QTMAN: variants seen among roughly 807,000 people sequenced by gnomAD.
The protein encoded by QTMAN is queuosine-tRNA mannosyltransferase.
At chr2:144,048,556 A>G in the QTMAN span, among the ~76,000 whole-genome samples, 3 of 152,210 alleles carry the variant, frequency 2.0e-5, no homozygotes, top group Admixed American at 6.5e-5. Context: ...AGAGTATCAC[A>G]TTTGTAGAGA....
chr2:143,998,348 C>T, the QTMAN span, among the ~76,000 whole-genome samples: 1 of 151,866 alleles, frequency 6.6e-6, no homozygotes, highest in African/African-American at 2.4e-5. Context: ...CTGAATTTTC[C>T]CTTCTTTTGT....
the QTMAN span, among the ~76,000 whole-genome samples, chr2:144,107,015 A>G: frequency 2.2e-4 from 34 of 152,380 alleles, no homozygotes; most frequent in Non-Finnish European, 4.4e-5. Flanking sequence ...TACTGGGTAC[A>G]TAACAAAATG....
the QTMAN span, among the ~76,000 whole-genome samples, chr2:144,157,179 G>C: frequency 6.6e-6 from 1 of 152,002 alleles, no homozygotes; most frequent in Non-Finnish European, 1.5e-5. Flanking sequence ...TTTATTTTCT[G>C]TTTCATCCCT....
chr2:144,150,570 T>A, the QTMAN span, among the ~76,000 whole-genome samples: 1 of 152,044 alleles, frequency 6.6e-6, no homozygotes. Flanking sequence ...CAGTTCTGGA[T>A]GAACCAGCTT....
At chr2:144,053,173 G>C in the QTMAN span, among the ~76,000 whole-genome samples, 7 of 152,104 alleles carry the variant, frequency 4.6e-5, no homozygotes, top group Admixed American at 2.6e-4. Flanking sequence ...AAGAGGAAAA[G>C]AAAACATTAA....
At chr2:144,232,089 G>A in the QTMAN span, among the ~76,000 whole-genome samples, 1 of 152,006 alleles carries the variant, frequency 6.6e-6, no homozygotes, top group African/African-American at 2.4e-5. Context: ...ATTCATTTTA[G>A]TAGCTCTGCA....
the QTMAN span, among the ~76,000 whole-genome samples, chr2:144,159,935 A>G: frequency 6.6e-6 from 1 of 152,212 alleles, no homozygotes; most frequent in East Asian, 1.9e-4. Flanking sequence ...GTTTCAGGCT[A>G]TATTTTTTTA....
the QTMAN span, among the ~76,000 whole-genome samples, chr2:144,083,901 T>C: frequency 5.9e-5 from 9 of 152,202 alleles, no homozygotes; most frequent in East Asian, 1.3e-3. Context: ...ACAAAACTCA[T>C]AAGCATATTT....
At chr2:144,269,938 G>A in the QTMAN span, among the ~76,000 whole-genome samples, 1 of 151,772 alleles carries the variant, frequency 6.6e-6, no homozygotes, top group Admixed American at 6.6e-5. Flanking sequence ...ATAATACTAA[G>A]AGAGCTTCAC....
At chr2:144,264,309 T>C in the QTMAN span, among the ~76,000 whole-genome samples, 3 of 152,098 alleles carry the variant, frequency 2.0e-5, no homozygotes, top group African/African-American at 7.2e-5. Flanking sequence ...AGGAGGAGAA[T>C]TGAATTGAGA....
the QTMAN span, among the ~76,000 whole-genome samples, chr2:144,195,254 C>T: frequency 6.6e-6 from 1 of 151,950 alleles, no homozygotes; most frequent in Non-Finnish European, 1.5e-5. Flanking sequence ...CAGGAGAAGG[C>T]TGAAAGATGT....
chr2:144,244,354 T>C, the QTMAN span, among the ~76,000 whole-genome samples: 1 of 152,192 alleles, frequency 6.6e-6, no homozygotes, highest in Admixed American at 6.5e-5. Flanking sequence ...CAGGTGTCTC[T>C]GCAGTGCTCT....
chr2:144,137,532 T>G, the QTMAN span, among the ~76,000 whole-genome samples: 1 of 152,094 alleles, frequency 6.6e-6, no homozygotes, highest in Non-Finnish European at 1.5e-5. Flanking sequence ...TGCTGTCAGC[T>G]GAAAAATCAG....
At chr2:144,126,877 A>C in the QTMAN span, among the ~76,000 whole-genome samples, 4 of 152,018 alleles carry the variant, frequency 2.6e-5, no homozygotes, top group Admixed American at 6.6e-5. Context: ...TTCTAATGTA[A>C]TCTTTTTGGT....
chr2:144,319,702 C>T, the QTMAN span: 2 of 152,126 alleles, frequency 1.3e-5, no homozygotes, highest in Non-Finnish European at 2.9e-5. Context: ...CATCACTGGA[C>T]CCAGCAGGCG....
the QTMAN span, among the ~76,000 whole-genome samples, chr2:143,966,227 C>T: frequency 1.1e-4 from 17 of 152,152 alleles, no homozygotes; most frequent in Admixed American, 1.0e-3. Flanking sequence ...CTGTGCCTTA[C>T]TTTTTTCAGC....
the QTMAN span, among the ~76,000 whole-genome samples, chr2:144,267,057 A>C: frequency 2.0e-5 from 3 of 152,178 alleles, no homozygotes; most frequent in Admixed American, 6.5e-5. Context: ...AGAAATGCAG[A>C]TATTTAGAGG....
the QTMAN span, among the ~76,000 whole-genome samples, chr2:144,275,675 A>G: frequency 1.3e-5 from 2 of 152,156 alleles, no homozygotes; most frequent in Non-Finnish European, 2.9e-5. Context: ...CTCAGTCTTA[A>G]CAGCCCCATG....
At chr2:144,175,853 C>T in the QTMAN span, among the ~76,000 whole-genome samples, 4 of 152,008 alleles carry the variant, frequency 2.6e-5, no homozygotes, top group African/African-American at 9.7e-5. Context: ...TTAGCAGAAA[C>T]GTGGTTTCAC....
Sources: gnomAD v4.1 joint callset for allele counts (sites outside exome capture counted in the v4.1 genomes callset) on GRCh38, gnomAD v4.1.1 for gene constraint, MANE v1.5 for transcripts, NCBI Gene and HGNC (gene_info 2026-07-23, HGNC 2026-07-21) for gene names.